The following KCNQ1 variants were observed in gnomAD, a reference collection of about 807,000 sequenced individuals.
The protein encoded by KCNQ1 is potassium voltage-gated channel subfamily Q member 1.
A neutral mutation model predicts 72.4 loss-of-function variants in KCNQ1; 49 were observed. The observed-to-expected ratio is 0.68, with a 90% confidence interval of 0.54 to 0.86. KCNQ1 has a LOEUF of 0.86. Ranked by LOEUF, KCNQ1 falls within the 40% of genes least tolerant of loss-of-function variation. KCNQ1 has a pLI of 0.00. For missense variants in KCNQ1, 790 were observed against 945.1 expected (o/e 0.84, Z 2.15); for synonymous variants, 450 against 412.6 (o/e 1.09, Z -1.10).
At position 2,724,769 on chromosome 11, in the gene KCNQ1, G is replaced by A. The variant is rs1034072605; in HGVS notation, c.1515-44075G>A. Among the ~76,000 whole-genome samples the A allele has an allele frequency of 6.6e-6, 1 of 152,206 alleles. No individual in the cohort carries two copies. Among genetic ancestry groups the A allele is most frequent in the African/African-American group, 2.4e-5 (1 of 41,462 alleles). On this transcript the variant is annotated intron_variant, in intron 11 of 15. Coordinates refer to ENST00000155840, the MANE Select transcript of KCNQ1 (RefSeq NM_000218.3). The surrounding 1 kb of genome is among the most constrained non-coding windows in gnomAD (Gnocchi z 6.8). ...CCAGGGCTCAGAGTTGGGGGAAGGG[G>A]CCAGTTCACCCACAGAGGGTGGAGT...
Position 2,507,472 on chromosome 11 carries a change from G to A in KCNQ1, c.387-20456G>A, listed in dbSNP as rs549769114. 1.8e-4 allele frequency among the ~76,000 whole-genome samples: 28 copies of A among 152,284 alleles called. No individual in the cohort carries two copies. The highest frequency in any genetic ancestry group is 6.7e-4 in the African/African-American group (28 of 41,550). ...TCAGGACCACTGCTGTAGAAAACAGGGTTTGCAGGTAGATAAGGTGGCGGG... is the reference window on the plus strand; with the variant it reads ...TCAGGACCACTGCTGTAGAAAACAGAGTTTGCAGGTAGATAAGGTGGCGGG... On this transcript the variant is annotated intron_variant, in intron 1 of 15. Coordinates refer to ENST00000155840, the MANE Select transcript of KCNQ1 (RefSeq NM_000218.3). This position sits in a 1 kb window ranked among gnomAD's most constrained non-coding sequence, Gnocchi z 5.4.
Position 2,818,773 on chromosome 11 carries a change from A to G in KCNQ1, c.1795-28994A>G, listed in dbSNP as rs1847673029. Among the ~76,000 whole-genome samples, 1 of 146,344 alleles carries G rather than the reference A, an allele frequency of 6.8e-6. No homozygotes were observed. Among genetic ancestry groups the G allele is most frequent in the Non-Finnish European group, 1.5e-5 (1 of 66,878 alleles). ...CCCTGCCCAGGCTAGCCTTGTGCTC[A>G]GCTGCCAGCACAGCCCCCACCACAC... On this transcript the variant is annotated intron_variant, in intron 15 of 15. Coordinates refer to ENST00000155840, the MANE Select transcript of KCNQ1 (RefSeq NM_000218.3). The surrounding 1 kb of genome is among the most constrained non-coding windows in gnomAD (Gnocchi z 7.2).
chr11:2,699,646 C>A, intron 11 of KCNQ1: 1 of 359,060 alleles, frequency 2.8e-6, no homozygotes. Context: ...CCGGGGACAA[C>A]CGCGCCGAAG....
intron 6 of KCNQ1, among the ~76,000 whole-genome samples, chr11:2,581,956 G>A (rs550375038): frequency 1.3e-5 from 2 of 152,332 alleles, no homozygotes; most frequent in East Asian, 3.9e-4. Flanking sequence ...GAGGTAGCCT[G>A]CAAGCAGCCT....
intron 11 of KCNQ1, chr11:2,662,894 ACT>A (rs1342936183): frequency 7.5e-6 from 3 of 397,736 alleles, no homozygotes; most frequent in African/African-American, 4.1e-5. Context: ...TGTTCTTTGG[ACT>A]CTCTGGGGGT....
intron 2 of KCNQ1, among the ~76,000 whole-genome samples, chr11:2,540,179 C>G (rs1178755107): frequency 6.6e-6 from 1 of 152,166 alleles, no homozygotes; most frequent in Non-Finnish European, 1.5e-5. Context: ...GAGGTCTCCT[C>G]TGACGCTGGG....
chr11:2,791,959 G>A (rs965644536), intron 15 of KCNQ1, among the ~76,000 whole-genome samples: 2 of 152,248 alleles, frequency 1.3e-5, no homozygotes, highest in African/African-American at 2.4e-5. Flanking sequence ...TTCGTTGCCC[G>A]GGTTCCGAGT....
At chr11:2,689,947 C>T (rs1418356709) in intron 11 of KCNQ1, 1 of 398,828 alleles carries the variant, frequency 2.5e-6, no homozygotes, top group Non-Finnish European at 4.4e-6. Context: ...CCAACGATGA[C>T]AGTGACTAGC....
intron 11 of KCNQ1, chr11:2,684,493 C>T (rs934079524): frequency 5.0e-6 from 2 of 398,636 alleles, no homozygotes; most frequent in Admixed American, 4.4e-5. Flanking sequence ...CTGAGTTCTC[C>T]TTCTATTCCT....
chr11:2,847,347 C>T (rs1222731281), intron 15 of KCNQ1, among the ~76,000 whole-genome samples: 1 of 152,240 alleles, frequency 6.6e-6, no homozygotes, highest in African/African-American at 2.4e-5. Flanking sequence ...CAAATGTCCC[C>T]AAGCCTGGCC....
intron 10 of KCNQ1, chr11:2,629,462 G>C: frequency 2.5e-6 from 1 of 398,360 alleles, no homozygotes; most frequent in Non-Finnish European, 4.4e-6. Context: ...TATAGTTTTA[G>C]GTCTTACATT....
chr11:2,555,974 C>A (rs1314595275), intron 2 of KCNQ1, among the ~76,000 whole-genome samples: 2 of 152,208 alleles, frequency 1.3e-5, no homozygotes, highest in African/African-American at 4.8e-5. Context: ...TCTGGCCTGG[C>A]CTTGCTGATG....
In KCNQ1 at chr11:2,626,404, C is replaced by T. The variant is rs545545349; in HGVS notation, c.1394-35557C>T. 4 of 398,588 alleles carry T rather than the reference C, an allele frequency of 1.0e-5. No individual in the cohort carries two copies. Among genetic ancestry groups the T allele is most frequent in the African/African-American group, 2.1e-5 (1 of 48,756 alleles). 24.7% of individuals were successfully genotyped at this position (398,588 alleles called of 1,614,324 possible). A position where few individuals can be genotyped will look rare whatever the true frequency, so the allele number is the denominator to read the frequency against. On this transcript the variant is annotated intron_variant, in intron 10 of 15. Transcript: ENST00000155840. This position sits in a 1 kb window ranked among gnomAD's most constrained non-coding sequence, Gnocchi z 4.0. ...TTCCCTATTGAATGGTCTTGGCACT[C>T]TTCTCAGGAATCATTTGATCATGTA... is the stretch of plus-strand genomic sequence containing the variant.
intron 1 of KCNQ1, among the ~76,000 whole-genome samples, chr11:2,496,697 T>C (rs1564797444): frequency 6.6e-6 from 1 of 151,968 alleles, no homozygotes; most frequent in Non-Finnish European, 1.5e-5. Flanking sequence ...AACGTTAACA[T>C]TGTTATGTGT....
At position 2,659,868 on chromosome 11, in the gene KCNQ1, A is replaced by G. The variant is rs1465420038; in HGVS notation, c.1394-2093A>G. ...TGTATCTTTTCATGTGCTTATTTATAATCCATTTTTAAAATTGGATTGTTC... is the reference window on the plus strand; with the variant it reads ...TGTATCTTTTCATGTGCTTATTTATGATCCATTTTTAAAATTGGATTGTTC... On this transcript the variant is annotated intron_variant, in intron 10 of 15. Coordinates refer to ENST00000155840, the MANE Select transcript of KCNQ1 (RefSeq NM_000218.3). The surrounding 1 kb of genome is among the most constrained non-coding windows in gnomAD (Gnocchi z 4.3). 2.5e-6 allele frequency: 1 copy of G among 398,294 alleles called. No individual in the cohort carries two copies. Among genetic ancestry groups the G allele is most frequent in the Non-Finnish European group, 4.4e-6 (1 of 225,972 alleles). 24.7% of individuals were successfully genotyped at this position (398,294 alleles called of 1,614,324 possible).
At chr11:2,517,838 C>T (rs1163283349) in intron 1 of KCNQ1, among the ~76,000 whole-genome samples, 1 of 152,226 alleles carries the variant, frequency 6.6e-6, no homozygotes, top group Non-Finnish European at 1.5e-5. Context: ...GATCTGTCAA[C>T]CTGTGCTGTT....
rs569623168 is a variant in KCNQ1, at chr11:2,746,502, C to T, written c.1515-22342C>T. Among the ~76,000 whole-genome samples, 4 of 152,308 alleles carry T rather than the reference C, an allele frequency of 2.6e-5. No homozygotes were observed. Among genetic ancestry groups the T allele is most frequent in the Admixed American group, 1.3e-4 (2 of 15,308 alleles). The stretch of plus-strand genomic sequence containing the variant: ...GCTCCTCTGGGCGGTGACTGTTTCC[C>T]AGGCTCTCCTTGTTGGTGGTGACCT... On this transcript the variant is annotated intron_variant, in intron 11 of 15. Transcript: ENST00000155840. This position sits in a 1 kb window ranked among gnomAD's most constrained non-coding sequence, Gnocchi z 5.9.
intron 6 of KCNQ1, among the ~76,000 whole-genome samples, chr11:2,582,475 C>T (rs950749513): frequency 3.9e-5 from 6 of 152,252 alleles, no homozygotes; most frequent in African/African-American, 1.4e-4. Flanking sequence ...TGGTTCCCAG[C>T]TGGGGCATTC....
intron 11 of KCNQ1, among the ~76,000 whole-genome samples, chr11:2,717,351 C>T (rs544703544): frequency 2.6e-4 from 40 of 152,302 alleles, no homozygotes; most frequent in African/African-American, 4.3e-4. Flanking sequence ...CTTCTGTGAT[C>T]GCAGCCCACA....
Sources: gnomAD v4.1 joint callset for allele counts (sites outside exome capture counted in the v4.1 genomes callset) on GRCh38, gnomAD v4.1.1 for gene constraint, Gnocchi (gnomAD v3.1) non-coding constraint, MANE v1.5 for transcripts, NCBI Gene and HGNC (gene_info 2026-07-23, HGNC 2026-07-21) for gene names.